ASIC1: variants seen among roughly 807,000 people sequenced by gnomAD.
ASIC1 encodes the protein acid sensing ion channel subunit 1.
In ASIC1, 21 loss-of-function variants were observed where a neutral mutation model predicts 63.4. The observed-to-expected ratio is 0.33, with a 90% CI of 0.23 to 0.48. ASIC1 has a LOEUF of 0.48. Among genes scored for constraint, ASIC1 ranks in the 20% least tolerant of loss-of-function variants. The probability of loss-of-function intolerance (pLI) is 0.99; values close to 1 mark genes in which losing one functional copy is unlikely to be tolerated. For missense variants in ASIC1, 478 were observed against 695.5 expected, an observed-to-expected ratio of 0.69 and a Z score of 3.52; for synonymous variants, 258 against 278.2, an observed-to-expected ratio of 0.93 and a Z score of 0.72.
At position 50,078,659 on chromosome 12, in the gene ASIC1, C is replaced by G. The variant is rs1016684488; in HGVS notation, c.994+82C>G. 6 of 1,579,588 alleles carry G rather than the reference C, an allele frequency of 3.8e-6. No homozygotes were observed. The African/African-American group carries it at 8.1e-5, about 21-fold the overall frequency. On this transcript the variant is annotated intron_variant, in intron 6 of 11. Coordinates refer to ENST00000447966, the MANE Select transcript of ASIC1 (RefSeq NM_001095.4). This position sits in a 1 kb window ranked among gnomAD's most constrained non-coding sequence, Gnocchi z 6.0. ...ACTAGCTCCCCATCCATATCAATCTCCCAACCCCAGTTCCAGCCCACCCCA... is the reference window on the plus strand; with the variant it reads ...ACTAGCTCCCCATCCATATCAATCTGCCAACCCCAGTTCCAGCCCACCCCA...
intron 3 of ASIC1, chr12:50,076,733 A>G (rs2137841032): frequency 6.6e-6 from 2 of 303,680 alleles, no homozygotes; most frequent in African/African-American, 2.2e-5. Flanking sequence ...AAGGAAACCA[A>G]TAAGGGGGAC....
chr12:50,059,964 C>G lies in ASIC1; in HGVS notation c.558+10C>G. Reference sequence around the variant, plus strand: ...TGAAGACTTCAAGGTGGTGAGTCCCCTCGTGTGGGGTGTGAGTCAGCCTGG... The same window carrying G: ...TGAAGACTTCAAGGTGGTGAGTCCCGTCGTGTGGGGTGTGAGTCAGCCTGG... On this transcript the variant is annotated intron_variant, in intron 3 of 11. Transcript: ENST00000447966. This position sits in a 1 kb window ranked among gnomAD's most constrained non-coding sequence, Gnocchi z 4.6. 6.2e-7 allele frequency: 1 copy of G among 1,612,844 alleles called. No homozygotes were observed. The highest frequency in any genetic ancestry group is 1.1e-5 in the South Asian group (1 of 91,056).
Position 50,078,789 on chromosome 12 carries a change from C to T in ASIC1, c.995-135C>T, listed in dbSNP as rs1950684986. ...GGTATGGACCTGGAGTGGGTCACTT[C>T]TGGGGCAGCATGGGGGCCTGCCAGT... On this transcript the variant is annotated intron_variant, in intron 6 of 11. Transcript: ENST00000447966. This position sits in a 1 kb window ranked among gnomAD's most constrained non-coding sequence, Gnocchi z 6.0. 7.5e-7 allele frequency: 1 copy of T among 1,333,142 alleles called. No individual in the cohort carries two copies. Among genetic ancestry groups the T allele is most frequent in the Admixed American group, 1.7e-5 (1 of 58,996 alleles). The allele number at this position is 1,333,142 out of a possible 1,614,324, so 82.6% of individuals were successfully genotyped here. A position where few individuals can be genotyped will look rare whatever the true frequency, so the allele number is the denominator to read the frequency against.
intron 3 of ASIC1, chr12:50,073,509 A>G: frequency 6.9e-7 from 1 of 1,439,176 alleles, no homozygotes; most frequent in Non-Finnish European, 9.1e-7. Context: ...CTCTGCCTGG[A>G]GTCACATCGC....
Position 50,078,184 on chromosome 12 carries a change from G to A in ASIC1, c.837+57G>A. Reference sequence around the variant, plus strand: ...TGGGGTATTGAGGGGTCCAGATGGAGTGGTGGGCAATCAGTAATGGGAAGG... The same window carrying A: ...TGGGGTATTGAGGGGTCCAGATGGAATGGTGGGCAATCAGTAATGGGAAGG... On this transcript the variant is annotated intron_variant, in intron 5 of 11. Coordinates refer to ENST00000447966, the MANE Select transcript of ASIC1 (RefSeq NM_001095.4). The surrounding 1 kb of genome is among the most constrained non-coding windows in gnomAD (Gnocchi z 6.0). 1 of 1,577,260 alleles carries A rather than the reference G, an allele frequency of 6.3e-7. No individual in the cohort carries two copies. Among genetic ancestry groups the A allele is most frequent in the Non-Finnish European group, 8.6e-7 (1 of 1,163,808 alleles).
At chr12:50,071,259 C>A (rs1950595900) in intron 3 of ASIC1, among the ~76,000 whole-genome samples, 1 of 140,850 alleles carries the variant, frequency 7.1e-6, no homozygotes, top group African/African-American at 2.7e-5. Flanking sequence ...GGGTACATTG[C>A]TTTCAGCTTT....
intron 3 of ASIC1, among the ~76,000 whole-genome samples, chr12:50,060,665 T>C (rs1271436487): frequency 1.3e-5 from 2 of 152,112 alleles, no homozygotes; most frequent in African/African-American, 4.8e-5. Context: ...CATCTTAAAA[T>C]GGAGATGCCC....
intron 3 of ASIC1, chr12:50,073,599 C>G: frequency 6.5e-7 from 1 of 1,529,816 alleles, no homozygotes; most frequent in Non-Finnish European, 8.7e-7. Flanking sequence ...CCATCCAGAT[C>G]TTCTGCTCCA....
intron 3 of ASIC1, chr12:50,070,883 A>T (rs1337407616): frequency 6.6e-6 from 1 of 152,394 alleles, no homozygotes; most frequent in African/African-American, 2.4e-5. Flanking sequence ...GCCTGAGGAC[A>T]GCAGCTGAAG....
At chr12:50,063,799 A>G (rs1304088442) in intron 3 of ASIC1, among the ~76,000 whole-genome samples, 1 of 152,146 alleles carries the variant, frequency 6.6e-6, no homozygotes, top group Non-Finnish European at 1.5e-5. Context: ...ATCTTAAAGC[A>G]GGAGAGCCAG....
intron 7 of ASIC1, among the ~76,000 whole-genome samples, chr12:50,079,181 G>A (rs954893093): frequency 6.6e-6 from 1 of 152,172 alleles, no homozygotes; most frequent in African/African-American, 2.4e-5. Flanking sequence ...GGAGGCTGAG[G>A]TGGGCAAATT....
rs1950732753 is a variant in ASIC1 at position 50,082,666 on chromosome 12, C to G, written c.*1017C>G. 1 of 152,832 alleles carries G rather than the reference C, an allele frequency of 6.5e-6. No individual in the cohort carries two copies. The highest frequency in any genetic ancestry group is 2.4e-5 in the African/African-American group (1 of 41,450). The allele number at this position is 152,832 out of a possible 1,614,324, so 9.5% of individuals were successfully genotyped here. ...ATTCTCCCACCCCAAGTTCCACCTTCTATGTTTCTACTCCCTCCCTGGTCT... is the reference window on the plus strand; with the variant it reads ...ATTCTCCCACCCCAAGTTCCACCTTGTATGTTTCTACTCCCTCCCTGGTCT... On this transcript the variant is annotated 3_prime_UTR_variant, in exon 12 of 12. Transcript: ENST00000447966.
chr12:50,078,508 G>T lies in ASIC1; in HGVS notation c.925G>T (p.Ala309Ser), dbSNP rs933348367. 1 of 1,613,998 alleles carries T rather than the reference G, an allele frequency of 6.2e-7. No individual in the cohort carries two copies. The highest frequency in any genetic ancestry group is 1.3e-5 in the African/African-American group (1 of 74,918). ...LDFFDSYSIT[A>S]CRIDCETRYL... ...TTTCTTCGACTCCTACAGCATCACT[G>T]CCTGCCGCATCGACTGTGAGACGCG... Residue 309 changes from alanine (A) to serine (S), a missense_variant, in exon 6 of 12, where the codon GCC becomes TCC. Coordinates refer to ENST00000447966, the MANE Select transcript of ASIC1 (RefSeq NM_001095.4). The surrounding 1 kb of genome is among the most constrained non-coding windows in gnomAD (Gnocchi z 6.0).
At chr12:50,068,629 G>A (rs1161853750) in intron 3 of ASIC1, among the ~76,000 whole-genome samples, 2 of 151,478 alleles carry the variant, frequency 1.3e-5, no homozygotes, top group African/African-American at 4.9e-5. Flanking sequence ...GTCTCTACTT[G>A]GATGTCCCTA....
chr12:50,081,282 G>C lies in ASIC1; in HGVS notation c.1400G>C (p.Arg467Pro), dbSNP rs374843091. The change falls in exon 11 of 12, where the codon CGA becomes CCA. Residue 467 changes from arginine (R) to proline (P), a missense_variant. Physicochemically the swap from Arg to Pro is moderately radical, Grantham distance 103 (BLOSUM62 -2). Transcript: ENST00000447966. Reference protein sequence around the residue: ...AYEVIKHKLCRRGKCQKEAKR... With the variant: ...AYEVIKHKLCPRGKCQKEAKR... Reference sequence around the variant, plus strand: ...TAGGTCATTAAGCACAAGCTGTGCCGACGAGGAAAATGCCAGAAGGAGGCC... The same window carrying C: ...TAGGTCATTAAGCACAAGCTGTGCCCACGAGGAAAATGCCAGAAGGAGGCC... The C allele has an allele frequency of 6.2e-7, 1 of 1,609,810 alleles. No individual in the cohort carries two copies.
In ASIC1 at chr12:50,059,610, A is replaced by G. The variant is rs749913366; in HGVS notation, c.363-149A>G. ...CAGTTCCTCCTGTCATTTCAGACCC[A>G]TGTGGTAGAGCCTCTGCATGCCCAG... On this transcript the variant is annotated intron_variant, in intron 2 of 11. Coordinates refer to ENST00000447966, the MANE Select transcript of ASIC1 (RefSeq NM_001095.4). This position sits in a 1 kb window ranked among gnomAD's most constrained non-coding sequence, Gnocchi z 4.6. 3.8e-6 allele frequency: 3 copies of G among 797,318 alleles called. No homozygotes were observed. The Admixed American group carries it at 8.2e-5, about 22-fold the overall frequency. 49.4% of individuals were successfully genotyped at this position (797,318 alleles called of 1,614,324 possible).
chr12:50,077,652 T>G (rs1950670336), intron 4 of ASIC1, among the ~76,000 whole-genome samples: 1 of 151,890 alleles, frequency 6.6e-6, no homozygotes, highest in South Asian at 2.1e-4. Context: ...CTGTCTGGTC[T>G]CGGGGGGCCT....
intron 4 of ASIC1, 33 bp from the exon 5 acceptor site, chr12:50,077,967 C>A (rs755145886): frequency 1.1e-5 from 17 of 1,585,352 alleles, no homozygotes; most frequent in Non-Finnish European, 1.4e-5. Context: ...GAGTCAGGAG[C>A]CCTCCCAACC....
intron 3 of ASIC1, among the ~76,000 whole-genome samples, chr12:50,072,409 G>A (rs1375096496): frequency 6.6e-6 from 1 of 152,208 alleles, no homozygotes; most frequent in Non-Finnish European, 1.5e-5. Context: ...GTGGCCCTGA[G>A]TAATCAGAAC....
Sources: allele counts gnomAD v4.1 joint callset (sites outside exome capture counted in the v4.1 genomes callset), GRCh38; gene constraint gnomAD v4.1.1; non-coding constraint Gnocchi (gnomAD v3.1); transcripts MANE v1.5; gene names NCBI Gene and HGNC (gene_info 2026-07-23, HGNC 2026-07-21).